PDE1B: variants seen among roughly 807,000 people sequenced by gnomAD.
The protein encoded by PDE1B is phosphodiesterase 1B, also known as dual specificity calcium/calmodulin-dependent 3',5'-cyclic nucleotide phosphodiesterase 1B.
In PDE1B, 13 loss-of-function variants were observed where a neutral mutation model predicts 66.7. The observed-to-expected ratio is 0.19, with a 90% CI of 0.13 to 0.31. PDE1B has a LOEUF of 0.31. Ranked by LOEUF, PDE1B falls within the 10% of genes least tolerant of loss-of-function variation. PDE1B has a pLI of 1.00. For synonymous variants in PDE1B, 230 were observed against 253.9 expected (o/e 0.91, Z 0.90); for missense variants, 485 against 682.3 (o/e 0.71, Z 3.22).
rs532640136 is a variant in PDE1B, at chr12:54,559,979, T to C, written c.114-6995T>C. The stretch of plus-strand genomic sequence containing the variant: ...TCAGGGTCTCTGACACTGGGTCTAG[T>C]CCTTTCTCTCTAAAAACACTCATCA... On this transcript the variant is annotated intron_variant, in intron 2 of 15. Transcript: ENST00000243052. Among the ~76,000 whole-genome samples, 17 of 152,264 alleles carry C rather than the reference T, an allele frequency of 1.1e-4. No homozygotes were observed. The East Asian group carries it at 3.3e-3, about 29-fold the overall frequency.
chr12:54,552,481 T>C (rs988236884), intron 2 of PDE1B, among the ~76,000 whole-genome samples: 1 of 152,206 alleles, frequency 6.6e-6, no homozygotes, highest in African/African-American at 2.4e-5. Context: ...CCCCCCCTTC[T>C]ACCCTTTTAA....
Position 54,577,920 on chromosome 12 carries a change from C to T in PDE1B, c.*78C>T, listed in dbSNP as rs938694795. 5.7e-6 allele frequency: 1 copy of T among 175,702 alleles called. No homozygotes were observed. The highest frequency in any genetic ancestry group is 1.5e-4 in the East Asian group (1 of 6,606). 10.9% of individuals were successfully genotyped at this position (175,702 alleles called of 1,614,324 possible). On this transcript the variant is annotated 3_prime_UTR_variant, in exon 16 of 16. Coordinates refer to ENST00000243052, the MANE Select transcript of PDE1B (RefSeq NM_000924.4). ...CACCATCCATCAGGACTGGCTCCCC[C>T]ATCTGCTCCAAGGGAGCGTGGTCGT...
chr12:54,570,126 C>T, intron 5 of PDE1B, 115 bp from the exon 6 acceptor site: 1 of 691,862 alleles, frequency 1.4e-6, no homozygotes, highest in Non-Finnish European at 2.7e-6. Context: ...CACACTTTAC[C>T]ATTTCTTTGC....
In PDE1B at chr12:54,569,140, G is replaced by C. The variant is rs775771749; in HGVS notation, c.228-44G>C. The C allele has an allele frequency of 2.6e-6, 4 of 1,556,356 alleles. No individual in the cohort carries two copies. The Admixed American group carries it at 7.3e-5, about 28-fold the overall frequency. ...GGTACAGGGTCTCTAGGCTGTGGAAGCACCTGCTGTCTTTCCTCTGTGACT... is the reference window on the plus strand; with the variant it reads ...GGTACAGGGTCTCTAGGCTGTGGAACCACCTGCTGTCTTTCCTCTGTGACT... On this transcript the variant is annotated intron_variant, in intron 3 of 15. Transcript: ENST00000243052. This position sits in a 1 kb window ranked among gnomAD's most constrained non-coding sequence, Gnocchi z 4.4.
Position 54,569,222 on chromosome 12 carries a change from G to A in PDE1B, c.266G>A (p.Arg89Gln), listed in dbSNP as rs1158915151. ...ACGGAGGACGAGCTGCAGGAGCTGC[G>A]GTCAGATGCCGTGCCTTCGGAGGTG... Reference protein sequence around the residue: ...LDTEDELQELRSDAVPSEVRD... With the variant: ...LDTEDELQELQSDAVPSEVRD... Residue 89 changes from arginine to glutamine, a missense_variant, in exon 4 of 16, where the codon CGG becomes CAG. Physicochemically the swap from Arg to Gln is conservative, Grantham distance 43. This residue lies in a region of PDE1B where 282 missense variants were observed against 453.4 expected (regional missense o/e 0.62). Coordinates refer to ENST00000243052, the MANE Select transcript of PDE1B (RefSeq NM_000924.4). The surrounding 1 kb of genome is among the most constrained non-coding windows in gnomAD (Gnocchi z 4.4). 5 of 1,611,916 alleles carry A rather than the reference G, an allele frequency of 3.1e-6. No individual in the cohort carries two copies. Among genetic ancestry groups the A allele is most frequent in the Admixed American group, 1.7e-5 (1 of 59,844 alleles).
intron 2 of PDE1B, chr12:54,561,603 G>A (rs1957413024): frequency 3.3e-6 from 5 of 1,533,528 alleles, no homozygotes; most frequent in Admixed American, 3.9e-5. Flanking sequence ...CCCTGTTCCT[G>A]TTCAGAGGAG....
intron 6 of PDE1B, chr12:54,571,555 T>G (rs1350367079): frequency 6.6e-6 from 1 of 152,216 alleles, no homozygotes; most frequent in Admixed American, 6.5e-5. Flanking sequence ...CCAGTCCCAG[T>G]CTGCTTTGCT....
rs1957730485 is a variant in PDE1B, at chr12:54,575,794, G to A, written c.1267+162G>A. 2 of 716,700 alleles carry A rather than the reference G, an allele frequency of 2.8e-6. No individual in the cohort carries two copies. The highest frequency in any genetic ancestry group is 4.2e-5 in the Admixed American group (2 of 47,532). The allele number at this position is 716,700 out of a possible 1,614,324, so 44.4% of individuals were successfully genotyped here. A position where few individuals can be genotyped will look rare whatever the true frequency, so the allele number is the denominator to read the frequency against. ...TCCTGGGTTAGGAGGCCAGGGGGCT[G>A]CAATGGCAGGAAGGAGCTCTCTGGG... On this transcript the variant is annotated intron_variant, in intron 12 of 15. Transcript: ENST00000243052. This position sits in a 1 kb window ranked among gnomAD's most constrained non-coding sequence, Gnocchi z 4.0.
At position 54,560,564 on chromosome 12, in the gene PDE1B, T is replaced by G. The variant is rs567419718; in HGVS notation, c.114-6410T>G. Reference sequence around the variant, plus strand: ...AATCACGGCCCCAGCGTACATGTATTGGTGGCGACATCTCCCAGCCAATCA... The same window carrying G: ...AATCACGGCCCCAGCGTACATGTATGGGTGGCGACATCTCCCAGCCAATCA... On this transcript the variant is annotated intron_variant, in intron 2 of 15. Transcript: ENST00000243052. 5.3e-5 allele frequency among the ~76,000 whole-genome samples: 8 copies of G among 152,282 alleles called. No individual in the cohort carries two copies. The South Asian group carries it at 1.7e-3, about 32-fold the overall frequency.
intron 2 of PDE1B, among the ~76,000 whole-genome samples, chr12:54,560,809 C>T (rs1957397659): frequency 1.3e-5 from 2 of 152,190 alleles, no homozygotes; most frequent in Non-Finnish European, 2.9e-5. Flanking sequence ...TGGTTATTCC[C>T]CAATTTCCAT....
intron 6 of PDE1B, chr12:54,570,731 A>C (rs770376052): frequency 4.8e-6 from 1 of 207,350 alleles, no homozygotes; most frequent in Non-Finnish European, 1.0e-5. Context: ...TTCCTGGATA[A>C]AATTGGCCAC....
chr12:54,567,135 G>A (rs1957529479), intron 3 of PDE1B, 48 bp downstream of exon 3: 1 of 974,152 alleles, frequency 1.0e-6, no homozygotes, highest in African/African-American at 1.6e-5. Flanking sequence ...CAGACATAGT[G>A]TTCCAGAGAG....
chr12:54,562,178 G>A (rs1957429286), intron 2 of PDE1B, among the ~76,000 whole-genome samples: 1 of 152,190 alleles, frequency 6.6e-6, no homozygotes, highest in Non-Finnish European at 1.5e-5. Context: ...GGTGCTGGAA[G>A]CGGAGGCAGG....
chr12:54,576,904 TAG>T, intron 14 of PDE1B: 1 of 623,408 alleles, frequency 1.6e-6, no homozygotes, highest in Non-Finnish European at 2.8e-6. Flanking sequence ...GTAGAGATGA[TAG>T]AGACAGTCAG....
At chr12:54,576,143 C>T in intron 13 of PDE1B, 43 bp downstream of exon 13, 1 of 1,209,456 alleles carries the variant, frequency 8.3e-7, no homozygotes, top group Non-Finnish European at 1.2e-6. Context: ...TTCAGGAAGG[C>T]AGTGGTAGGG....
At chr12:54,560,451 A>G (rs1478405993) in intron 2 of PDE1B, among the ~76,000 whole-genome samples, 1 of 152,036 alleles carries the variant, frequency 6.6e-6, no homozygotes, top group Non-Finnish European at 1.5e-5. Context: ...CATCTAAGAG[A>G]TTGCAGATCC....
At chr12:54,567,358 C>G (rs1367352479) in intron 3 of PDE1B, among the ~76,000 whole-genome samples, 2 of 151,292 alleles carry the variant, frequency 1.3e-5, no homozygotes, top group Admixed American at 1.3e-4. Flanking sequence ...AAAAAATTAG[C>G]CAGGCATGGT....
Position 54,553,024 on chromosome 12 carries a change from G to A in PDE1B, c.113+3039G>A, listed in dbSNP as rs565614836. 3.3e-5 allele frequency among the ~76,000 whole-genome samples: 5 copies of A among 152,324 alleles called. No homozygotes were observed. The South Asian group carries it at 1.0e-3, about 32-fold the overall frequency. On this transcript the variant is annotated intron_variant, in intron 2 of 15. Coordinates refer to ENST00000243052, the MANE Select transcript of PDE1B (RefSeq NM_000924.4). ...CAACTATTTCTTGAGTGCCTTCTAT[G>A]GACCAGGTGGCATGCTGGATGCTGA...
rs774308769 is a variant in PDE1B, at chr12:54,576,747, A to G, written c.1507+46A>G. 7.7e-6 allele frequency: 12 copies of G among 1,559,534 alleles called. No homozygotes were observed. In the African/African-American group the frequency reaches 1.5e-4, roughly 19 times the overall value. On this transcript the variant is annotated intron_variant, in intron 14 of 15. Transcript: ENST00000243052. ...CAGGGGTGAGAACTTGTGTGGGTGG[A>G]TCATGGAGCACTAGGAGGTCCATTT...
Sources: allele counts gnomAD v4.1 joint callset (sites outside exome capture counted in the v4.1 genomes callset), GRCh38; gene constraint gnomAD v4.1.1; regional missense constraint gnomAD v4.1.1; non-coding constraint Gnocchi (gnomAD v3.1); transcripts MANE v1.5; gene names NCBI Gene and HGNC (gene_info 2026-07-23, HGNC 2026-07-21).